Variants in CERS5 observed in about 807,000 individuals in gnomAD.
CERS5 encodes ceramide synthase 5, also known as LAG1 homolog, ceramide synthase 5.
CERS5 carries 37 observed loss-of-function variants against 58.9 expected under a neutral mutation model. That is an observed-to-expected ratio of 0.63 (90% CI 0.48 to 0.83). The LOEUF (loss-of-function observed/expected upper bound fraction) is 0.83, where lower values mean the gene tolerates loss of function less well. Among genes scored for constraint, CERS5 ranks in the 40% least tolerant of loss-of-function variants. The pLI is 0.00. For synonymous variants in CERS5, 147 were observed against 177.8 expected (o/e 0.83, Z 1.38); for missense variants, 398 against 489.3 (o/e 0.81, Z 1.76).
chr12:50,147,315 A>C (rs546252451), intron 1 of CERS5: 1 of 149,154 alleles, frequency 6.7e-6, no homozygotes, highest in African/African-American at 2.5e-5. Context: ...AAGCAGGAGA[A>C]TTGCTTTTAC....
rs188799181 is a variant in CERS5 at position 50,155,980 on chromosome 12, A to G, written c.197+11121T>C. On this transcript the variant is annotated intron_variant, in intron 1 of 9. Coordinates refer to ENST00000317551, the MANE Select transcript of CERS5 (RefSeq NM_147190.5). ...TAGCTGGGTGTGGTGGCACACCTGC[A>G]GTCCCAGCTACTCGGAGGCTGAGGC... Among the ~76,000 whole-genome samples the G allele has an allele frequency of 6.3e-3, 940 of 149,486 alleles. 12 individuals carry two copies. The highest frequency in any genetic ancestry group is 0.022 in the African/African-American group (911 of 40,586).
intron 1 of CERS5, chr12:50,144,678 C>A: frequency 1.5e-6 from 1 of 675,886 alleles, no homozygotes; most frequent in South Asian, 2.1e-5. Context: ...AATCAGGAAG[C>A]TAGGAAAGGT....
chr12:50,167,284 G>A lies in CERS5; in HGVS notation c.14C>T (p.Ala5Val). The A allele has an allele frequency of 6.5e-7, 1 of 1,543,776 alleles. No individual in the cohort carries two copies. The change falls in exon 1 of 10, where the codon GCG (alanine) becomes GTG (valine). Residue 5 changes from alanine to valine, a missense_variant. Physicochemically the swap from Ala to Val is moderately conservative, Grantham distance 64 (BLOSUM62 0). This residue lies in a region of CERS5 where 328 missense variants were observed against 384.5 expected (regional missense o/e 0.85). Transcript: ENST00000317551. The part of the protein sequence containing the change: MATA[A>V]QGPLSLLWGW... ...CCACAGCAAGCTTAGGGGTCCCTGC[G>A]CTGCTGTCGCCATCTTACGCCCACC... is the stretch of plus-strand genomic sequence containing the variant.
At chr12:50,134,788 G>A in intron 8 of CERS5, 86 bp from the exon 9 acceptor site, 1 of 1,285,838 alleles carries the variant, frequency 7.8e-7, no homozygotes, top group Non-Finnish European at 1.1e-6. Context: ...GCAGAGCCCT[G>A]TGTGTTTTCC....
At chr12:50,136,472 CA>C (rs35643200) in intron 6 of CERS5, among the ~76,000 whole-genome samples, 102,261 of 142,940 alleles carry the variant, frequency 0.72, 36,830 homozygotes, top group East Asian at 0.91. Flanking sequence ...GATTCCGTCT[CA>C]AAAAAAAAAA....
In CERS5 at chr12:50,167,306, C is replaced by A. The variant is rs1202085720; in HGVS notation, c.-9G>T. The A allele has an allele frequency of 1.3e-6, 2 of 1,484,530 alleles. No homozygotes were observed. Among genetic ancestry groups the A allele is most frequent in the Non-Finnish European group, 1.8e-6 (2 of 1,123,998 alleles). 92.0% of individuals were successfully genotyped at this position (1,484,530 alleles called of 1,614,324 possible). ...TGCGCTGCTGTCGCCATCTTACGCC[C>A]ACCCCGAAGCCACCGCCGCCACAAG... is the stretch of plus-strand genomic sequence containing the variant. On this transcript the variant is annotated 5_prime_UTR_variant, in exon 1 of 10. Coordinates refer to ENST00000317551, the MANE Select transcript of CERS5 (RefSeq NM_147190.5).
At chr12:50,138,937 T>C (rs1024844130) in intron 4 of CERS5, among the ~76,000 whole-genome samples, 2 of 152,214 alleles carry the variant, frequency 1.3e-5, no homozygotes, top group Non-Finnish European at 2.9e-5. Context: ...CTCCATGCCA[T>C]GTTCAGAAGT....
intron 8 of CERS5, chr12:50,135,308 AGTGTGTGTGTGTGTGTGTGTGT>A (rs56858635): frequency 5.3e-5 from 9 of 169,004 alleles, no homozygotes; most frequent in South Asian, 1.6e-4. Context: ...GAGAGAGAGG[AGTGTGTGTGTGTGTGTGTGTGT>A]GTGTGTGTGT....
chr12:50,138,607 A>G lies in CERS5; in HGVS notation c.503T>C (p.Phe168Ser). ...ATGCCAGCACTGTCGGATGTCCCAGAACCAAGGTGACTAAGAGAAAACAGA... is the reference window on the plus strand; with the variant it reads ...ATGCCAGCACTGTCGGATGTCCCAGGACCAAGGTGACTAAGAGAAAACAGA... ...GIRFLWSSPW[F>S]WDIRQCWHNY... Residue 168 changes from phenylalanine to serine, a missense_variant, in exon 5 of 10, where the codon TTC (phenylalanine) becomes TCC (serine). Phe to Ser is a radical substitution (Grantham distance 155, BLOSUM62 -2). Transcript: ENST00000317551. The G allele has an allele frequency of 6.2e-7, 1 of 1,613,636 alleles. No individual in the cohort carries two copies.
At chr12:50,130,778 G>T in intron 9 of CERS5, 84 bp from the exon 10 acceptor site, 1 of 1,303,396 alleles carries the variant, frequency 7.7e-7, no homozygotes, top group Non-Finnish European at 1.1e-6. Context: ...TGGGCACTGT[G>T]TTCCCAGTCT....
At chr12:50,158,177 GGACAC>G (rs1296887092) in intron 1 of CERS5, among the ~76,000 whole-genome samples, 1 of 152,016 alleles carries the variant, frequency 6.6e-6, no homozygotes, top group African/African-American at 2.4e-5. Flanking sequence ...TCTACTGAGA[GGACAC>G]TAAAGTGAAT....
At chr12:50,143,888 C>T (rs1190772745) in intron 2 of CERS5, 64 bp downstream of exon 2, 16 of 984,556 alleles carry the variant, frequency 1.6e-5, no homozygotes, top group Non-Finnish European at 2.3e-5. Context: ...TGCTCTCTAT[C>T]CTCCCCTGCC....
intron 3 of CERS5, among the ~76,000 whole-genome samples, chr12:50,142,819 A>G (rs1219446043): frequency 2.0e-5 from 3 of 152,242 alleles, no homozygotes; most frequent in Non-Finnish European, 4.4e-5. Context: ...AAGTACAGTT[A>G]TAAGGATTTA....
intron 1 of CERS5, 117 bp from the exon 2 acceptor site, chr12:50,144,174 T>C (rs757340207): frequency 8.5e-6 from 5 of 587,566 alleles, no homozygotes; most frequent in South Asian, 3.6e-5. Context: ...CATGTATACA[T>C]AGTATAATGA....
At position 50,160,319 on chromosome 12, in the gene CERS5, GA is replaced by G. The variant is rs1229752362; in HGVS notation, c.197+6781del. 7.1e-3 allele frequency among the ~76,000 whole-genome samples: 903 copies of G among 127,596 alleles called. 11 individuals are homozygous for G. Among genetic ancestry groups the G allele is most frequent in the African/African-American group, 0.022 (809 of 36,022 alleles). The allele number at this position is 127,596 out of a possible 152,430, so 83.7% of individuals were successfully genotyped here. Reference sequence around the variant, plus strand: ...GACTCTGTCTCAAAAAAAAAAAAAAGAAAAAAAAAAGAAAAGAAAAAAGGAA... The same window carrying G: ...GACTCTGTCTCAAAAAAAAAAAAAAGAAAAAAAAAGAAAAGAAAAAAGGAA... On this transcript the variant is annotated intron_variant, in intron 1 of 9. Transcript: ENST00000317551.
chr12:50,133,184 C>A, intron 9 of CERS5: 1 of 1,198,548 alleles, frequency 8.3e-7, no homozygotes, highest in Non-Finnish European at 1.1e-6. Context: ...TGCAGGAGAT[C>A]ATCAATATCT....
At chr12:50,143,245 T>C in intron 2 of CERS5, 41 bp from the exon 3 acceptor site, 1 of 1,610,114 alleles carries the variant, frequency 6.2e-7, no homozygotes, top group African/African-American at 1.3e-5. Context: ...CGTCTCCTCA[T>C]ACCCCTCCTT....
chr12:50,148,930 AT>A (rs1166619752), intron 1 of CERS5, among the ~76,000 whole-genome samples: 10 of 73,974 alleles, frequency 1.4e-4, no homozygotes, highest in Admixed American at 1.3e-3. Flanking sequence ...AAAAAAAAAT[AT>A]ATATATATAT....
At chr12:50,147,770 T>C (rs897367672) in intron 1 of CERS5, among the ~76,000 whole-genome samples, 1 of 152,160 alleles carries the variant, frequency 6.6e-6, no homozygotes, top group Non-Finnish European at 1.5e-5. Context: ...TAAAACGTAA[T>C]GAGTTCATTG....
Sources: allele counts gnomAD v4.1 joint callset (sites outside exome capture counted in the v4.1 genomes callset), GRCh38; gene constraint gnomAD v4.1.1; regional missense constraint gnomAD v4.1.1; transcripts MANE v1.5; gene names NCBI Gene and HGNC (gene_info 2026-07-23, HGNC 2026-07-21).